Variants in PRB2 observed in about 807,000 individuals in gnomAD.
The protein encoded by PRB2 is basic salivary proline-rich protein 2.
In PRB2, 12 loss-of-function variants were observed where a neutral mutation model predicts 8.3. The ratio of observed to expected loss-of-function variants is 1.45; its 90% confidence interval spans 0.93 to 2.35. PRB2 has a LOEUF of 2.35. Ranked by LOEUF, PRB2 falls within the 30% of genes most tolerant of loss-of-function variation. The pLI is 0.00. For synonymous variants in PRB2, 146 were observed against 180.0 expected, an observed-to-expected ratio of 0.81 and a Z score of 1.51; for missense variants, 470 against 507.0, an observed-to-expected ratio of 0.93 and a Z score of 0.70.
chr12:11,393,934 T>A lies in PRB2; in HGVS notation c.144A>T (p.Gln48His). ...GCTTTCCTGGAGGAGATGGGGGACC[T>A]TGAGGTTTGTTGCCTCCTTGTGGGG... ...GAPPQGGNKP[Q>H]GPPSPPGKPQ... Residue 48 changes from glutamine to histidine, a missense_variant, in exon 3 of 4, where the codon CAA becomes CAT. Physicochemically the swap from Gln to His is conservative, Grantham distance 24 (BLOSUM62 0). Transcript: ENST00000389362. 1 of 1,575,160 alleles carries A rather than the reference T, an allele frequency of 6.3e-7. No individual in the cohort carries two copies. The highest frequency in any genetic ancestry group is 8.6e-7 in the Non-Finnish European group (1 of 1,156,226).
At chr12:11,392,645 C>G in intron 3 of PRB2, 149 bp downstream of exon 3, 2 of 421,794 alleles carry the variant, frequency 4.7e-6, no homozygotes, top group Non-Finnish European at 7.4e-6. Flanking sequence ...GATCTTGTTA[C>G]CCATTTCCAG....
rs578083108 is a variant in PRB2, at chr12:11,393,772, G to A, written c.306C>T (p.Pro102=). 6.3e-7 allele frequency: 1 copy of A among 1,591,608 alleles called. No homozygotes were observed. The highest frequency in any genetic ancestry group is 8.5e-7 in the Non-Finnish European group (1 of 1,171,562). ...GACTTCGGGACTTGTCTCCTTGTGGGGGTGGTCCTTGTGGCTTTCCTGGAG... is the reference window on the plus strand; with the variant it reads ...GACTTCGGGACTTGTCTCCTTGTGGAGGTGGTCCTTGTGGCTTTCCTGGAG... The part of the protein sequence containing the change: ...PPPPGKPQGP[P]PQGDKSRSPR... Residue 102 remains proline, a synonymous_variant, in exon 3 of 4, where the codon CCC becomes CCT. Coordinates refer to ENST00000389362, the MANE Select transcript of PRB2 (RefSeq NM_006248.4).
rs1864341937 is a variant in PRB2, at chr12:11,393,127, AC to A, written c.950del (p.Gly317ValfsTer114). The A allele has an allele frequency of 6.4e-7, 1 of 1,563,456 alleles. No homozygotes were observed. ...GTGGCTTTCCTGGAGGAGGTGGGGG[AC>A]CTTGAGGCTGGTTGCCTCCTTGTGG... ...PPPQGGNQPQ[G>X]PPPPPGKPQG... On this transcript the variant is annotated frameshift_variant, in exon 3 of 4. Transcript: ENST00000389362. LOFTEE classifies it low-confidence loss of function (END_TRUNC).
rs781116978 is a variant in PRB2, at chr12:11,393,951, CT to C, written c.126del (p.Gly43GlufsTer388). 6.3e-7 allele frequency: 1 copy of C among 1,587,596 alleles called. No individual in the cohort carries two copies. Among genetic ancestry groups the C allele is most frequent in the African/African-American group, 1.4e-5 (1 of 73,850 alleles). On this transcript the variant is annotated frameshift_variant, in exon 3 of 4. Coordinates refer to ENST00000389362, the MANE Select transcript of PRB2 (RefSeq NM_006248.4). LOFTEE classifies it high-confidence loss of function. Reference sequence around the variant, plus strand: ...GGGGGACCTTGAGGTTTGTTGCCTCCTTGTGGGGGTGCTCCTTGTGGATTTC... The same window carrying C: ...GGGGGACCTTGAGGTTTGTTGCCTCCTGTGGGGGTGCTCCTTGTGGATTTC... ...IAGNPQGAPP[Q>X]GGNKPQGPPS...
In PRB2 at chr12:11,393,928, G is replaced by C. The variant is rs1164465032; in HGVS notation, c.150C>G (p.Pro50=). ...CTTGTGGCTTTCCTGGAGGAGATGGGGGACCTTGAGGTTTGTTGCCTCCTT... is the reference window on the plus strand; with the variant it reads ...CTTGTGGCTTTCCTGGAGGAGATGGCGGACCTTGAGGTTTGTTGCCTCCTT... The part of the protein sequence containing the change: ...PPQGGNKPQG[P]PSPPGKPQGP... Residue 50 remains proline (P), a synonymous_variant, in exon 3 of 4, where the codon CCC becomes CCG. Transcript: ENST00000389362. The C allele has an allele frequency of 3.2e-6, 5 of 1,559,772 alleles. No homozygotes were observed. The highest frequency in any genetic ancestry group is 4.3e-6 in the Non-Finnish European group (5 of 1,150,868).
rs893487291 is a variant in PRB2 at position 11,394,430 on chromosome 12, A to G, written c.100+65T>C. On this transcript the variant is annotated intron_variant, in intron 2 of 3. Transcript: ENST00000389362. ...GAAAGTTTTGATAAGAAGACACTGG[A>G]GAACTGATCCATTCATAAGCAGAAA... 1.0e-5 allele frequency: 16 copies of G among 1,552,580 alleles called. No homozygotes were observed. The African/African-American group carries it at 1.9e-4, about 18-fold the overall frequency.
intron 1 of PRB2, 149 bp from the exon 2 acceptor site, chr12:11,394,679 G>A (rs1222886843): frequency 9.1e-7 from 1 of 1,102,136 alleles, no homozygotes; most frequent in Non-Finnish European, 1.4e-6. Flanking sequence ...CTGCTGGAAG[G>A]GGAGGAAGGT....
At position 11,394,494 on chromosome 12, in the gene PRB2, C is replaced by T. The variant is rs199532910; in HGVS notation, c.100+1G>A. 1.3e-5 allele frequency: 21 copies of T among 1,613,022 alleles called. No individual in the cohort carries two copies. Among genetic ancestry groups the T allele is most frequent in the Non-Finnish European group, 1.8e-5 (21 of 1,179,142 alleles). On this transcript the variant is annotated splice_donor_variant, in intron 2 of 3. Transcript: ENST00000389362. LOFTEE classifies it high-confidence loss of function. ...CAGATTGAGAATGAATCGGGATTTA[C>T]CTGCTATTAGGGAGGGAGATTCTTC...
chr12:11,394,661 C>G, intron 1 of PRB2, 131 bp from the exon 2 acceptor site: 1 of 1,218,642 alleles, frequency 8.2e-7, no homozygotes, highest in South Asian at 1.2e-5. Flanking sequence ...CAGCCACCAT[C>G]TGTGAAGCTG....
rs750230014 is a variant in PRB2 at position 11,393,914 on chromosome 12, C to T, written c.164G>A (p.Gly55Glu). The T allele has an allele frequency of 1.5e-5, 22 of 1,479,748 alleles. No homozygotes were observed. The highest frequency in any genetic ancestry group is 3.6e-6 in the Non-Finnish European group (4 of 1,106,270). The allele number at this position is 1,479,748 out of a possible 1,614,324, so 91.7% of individuals were successfully genotyped here. Reference sequence around the variant, plus strand: ...TTGTGGGGGTGGTCCTTGTGGCTTTCCTGGAGGAGATGGGGGACCTTGAGG... The same window carrying T: ...TTGTGGGGGTGGTCCTTGTGGCTTTTCTGGAGGAGATGGGGGACCTTGAGG... ...NKPQGPPSPP[G>E]KPQGPPPQGG... The change falls in exon 3 of 4, where the codon GGA becomes GAA. Residue 55 changes from glycine to glutamate, a missense_variant. Coordinates refer to ENST00000389362, the MANE Select transcript of PRB2 (RefSeq NM_006248.4).
intron 1 of PRB2, among the ~76,000 whole-genome samples, chr12:11,395,026 A>G (rs1195286047): frequency 6.6e-6 from 1 of 152,098 alleles, no homozygotes; most frequent in Non-Finnish European, 1.5e-5. Context: ...AAACAGAGAC[A>G]AGTGTTCCAT....
rs1445305220 is a variant in PRB2 at position 11,393,332 on chromosome 12, C to A, written c.746G>T (p.Gly249Val). 67 of 1,530,326 alleles carry A rather than the reference C, an allele frequency of 4.4e-5. No individual in the cohort carries two copies. The East Asian group carries it at 1.6e-3, about 36-fold the overall frequency. The allele number at this position is 1,530,326 out of a possible 1,614,324, so 94.8% of individuals were successfully genotyped here. ...TGGGGGACCTTGGGGCTGGTTGCCT[C>A]CTTGTGGGGGTGGTCCTTGTGGCTT... is the stretch of plus-strand genomic sequence containing the variant. ...PGKPQGPPPQ[G>V]GNQPQGPPPP... is the part of the protein sequence containing the mutation. Residue 249 changes from glycine (G) to valine (V), a missense_variant, in exon 3 of 4, where the codon GGA becomes GTA. By Grantham distance (109) the Gly-to-Val change is moderately radical (BLOSUM62 -3). Around this residue, in one of 4 missense-constraint regions of PRB2, gnomAD observed 205 missense variants for 195.0 expected, o/e 1.05. Coordinates refer to ENST00000389362, the MANE Select transcript of PRB2 (RefSeq NM_006248.4).
chr12:11,391,809 C>T (rs1475308839), intron 3 of PRB2, among the ~76,000 whole-genome samples, 161 bp from the exon 4 acceptor site: 1 of 146,138 alleles, frequency 6.8e-6, no homozygotes, highest in Non-Finnish European at 1.5e-5. Flanking sequence ...TGTGTGTTCA[C>T]TCTTTGGATG....
chr12:11,393,011 G>A lies in PRB2; in HGVS notation c.1067C>T (p.Ser356Phe), dbSNP rs754238337. Reference protein sequence around the residue: ...QGPPPQGGSKSRSARSPPGKP... With the variant: ...QGPPPQGGSKFRSARSPPGKP... ...TCCTGGAGGAGATCGGGCACTTCGG[G>A]ACTTGCTGCCTCCTTGTGGGGGTGG... Residue 356 changes from serine (S) to phenylalanine (F), a missense_variant, in exon 3 of 4, where the codon TCC (serine) becomes TTC (phenylalanine). Around this residue, in one of 4 missense-constraint regions of PRB2, gnomAD observed 205 missense variants for 195.0 expected, o/e 1.05. Coordinates refer to ENST00000389362, the MANE Select transcript of PRB2 (RefSeq NM_006248.4). 2.5e-5 allele frequency: 41 copies of A among 1,612,456 alleles called. 1 individual carries two copies. The Admixed American group carries it at 6.3e-4, about 25-fold the overall frequency.
chr12:11,393,078 T>A lies in PRB2; in HGVS notation c.1000A>T (p.Asn334Tyr). ...KPQGPPPQGG[N>Y]KPQGPPPPGK... Reference sequence around the variant, plus strand: ...GGAGGTGGGGGACCTTGAGGTTTGTTGCCTCCTTGTGGGGGTGGTCCTTGT... The same window carrying A: ...GGAGGTGGGGGACCTTGAGGTTTGTAGCCTCCTTGTGGGGGTGGTCCTTGT... Residue 334 changes from asparagine (N) to tyrosine (Y), a missense_variant, in exon 3 of 4, where the codon AAC (asparagine) becomes TAC (tyrosine). Asn to Tyr is a moderately radical substitution (Grantham distance 143). Coordinates refer to ENST00000389362, the MANE Select transcript of PRB2 (RefSeq NM_006248.4). 6.4e-7 allele frequency: 1 copy of A among 1,555,086 alleles called. No homozygotes were observed. Among genetic ancestry groups the A allele is most frequent in the East Asian group, 2.4e-5 (1 of 41,022 alleles).
chr12:11,393,819 T>A lies in PRB2; in HGVS notation c.259A>T (p.Asn87Tyr), dbSNP rs371817646. ...KPQGPPPQGG[N>Y]KPQGPPPPGK... is the part of the protein sequence containing the mutation. ...GGAGGTGGGGGACCTTGAGGTTTGT[T>A]GCCTCCTTGTGGGGGTGGTCCTTGT... The change falls in exon 3 of 4, where the codon AAC becomes TAC. Residue 87 changes from asparagine (N) to tyrosine (Y), a missense_variant. Asn to Tyr is a moderately radical substitution (Grantham distance 143). Around this residue, in one of 4 missense-constraint regions of PRB2, gnomAD observed 211 missense variants for 207.7 expected, o/e 1.02. Coordinates refer to ENST00000389362, the MANE Select transcript of PRB2 (RefSeq NM_006248.4). The A allele has an allele frequency of 1.3e-6, 2 of 1,497,810 alleles. No homozygotes were observed. Among genetic ancestry groups the A allele is most frequent in the Non-Finnish European group, 1.8e-6 (2 of 1,111,642 alleles). The allele number at this position is 1,497,810 out of a possible 1,614,324, so 92.8% of individuals were successfully genotyped here.
intron 3 of PRB2, among the ~76,000 whole-genome samples, 180 bp from the exon 4 acceptor site, chr12:11,391,828 C>T (rs1428753243): frequency 6.9e-6 from 1 of 144,608 alleles, no homozygotes; most frequent in East Asian, 2.0e-4. Flanking sequence ...TGCCCTTGCA[C>T]AAAATGTGCT....
rs199808121 is a variant in PRB2 at position 11,393,328 on chromosome 12, G to T, written c.750C>A (p.Gly250=). The T allele has an allele frequency of 3.2e-6, 5 of 1,545,074 alleles. No homozygotes were observed. Among genetic ancestry groups the T allele is most frequent in the Non-Finnish European group, 4.3e-6 (5 of 1,150,180 alleles). ...GAGGTGGGGGACCTTGGGGCTGGTT[G>T]CCTCCTTGTGGGGGTGGTCCTTGTG... ...GKPQGPPPQG[G]NQPQGPPPPP... Residue 250 remains glycine, a synonymous_variant, in exon 3 of 4, where the codon GGC becomes GGA. Transcript: ENST00000389362.
rs1565417737 is a variant in PRB2, at chr12:11,393,052, T to C, written c.1026A>G (p.Pro342=). The C allele has an allele frequency of 1.3e-6, 2 of 1,592,344 alleles. No individual in the cohort carries two copies. ...GGNKPQGPPP[P]GKPQGPPPQG... ...GTGGGGGTGGTCCTTGTGGCTTTCC[T>C]GGAGGTGGGGGACCTTGAGGTTTGT... Residue 342 remains proline, a synonymous_variant, in exon 3 of 4, where the codon CCA becomes CCG. Transcript: ENST00000389362.
Sources: gnomAD v4.1 joint callset for allele counts (sites outside exome capture counted in the v4.1 genomes callset) on GRCh38, gnomAD v4.1.1 for gene constraint, gnomAD v4.1.1 regional missense constraint, MANE v1.5 for transcripts, NCBI Gene and HGNC (gene_info 2026-07-23, HGNC 2026-07-21) for gene names.